SAXO5: variants seen among roughly 807,000 people sequenced by gnomAD.
SAXO5 encodes stabilizer of axonemal microtubules 5, also known as testis expressed 45.
At chr19:7,504,110 C>G in the SAXO5 span, 7 of 1,593,894 alleles carry the variant, frequency 4.4e-6, no homozygotes. Context: ...ATCCCCCTTG[C>G]CTATCCTAAG....
At chr19:7,499,734 G>A in the SAXO5 span, 4 of 152,382 alleles carry the variant, frequency 2.6e-5, no homozygotes, top group African/African-American at 9.7e-5. Flanking sequence ...CACTTTGGGA[G>A]GCTGAGGCAG....
At chr19:7,502,038 A>G in the SAXO5 span, among the ~76,000 whole-genome samples, 6 of 152,080 alleles carry the variant, frequency 3.9e-5, no homozygotes, top group African/African-American at 1.4e-4. Context: ...CCAGAATTGG[A>G]GACCAGCCTG....
chr19:7,503,400 A>C, the SAXO5 span, among the ~76,000 whole-genome samples: 1 of 152,110 alleles, frequency 6.6e-6, no homozygotes, highest in Non-Finnish European at 1.5e-5. Flanking sequence ...AGAGATACTC[A>C]GTCCTGGAAA....
the SAXO5 span, chr19:7,504,093 T>TCTCTCTCTCTCTCTCC: frequency 6.7e-7 from 1 of 1,498,658 alleles, no homozygotes. Flanking sequence ...TCTCTCTCTC[T>TCTCTCTCTCTCTCTCC]CCCCCCATCC....
chr19:7,504,354 G>GATCAACGT, the SAXO5 span: 1 of 1,614,098 alleles, frequency 6.2e-7, no homozygotes, highest in African/African-American at 1.3e-5. Flanking sequence ...ATCAGCTATG[G>GATCAACGT]ATCAACGTGT....
At chr19:7,506,335 C>G in the SAXO5 span, 1 of 686,722 alleles carries the variant, frequency 1.5e-6, no homozygotes, top group Admixed American at 2.1e-5. Flanking sequence ...TGGCCCCGCC[C>G]CTAACCAGCC....
the SAXO5 span, among the ~76,000 whole-genome samples, chr19:7,507,812 C>T: frequency 9.8e-4 from 149 of 152,160 alleles, no homozygotes; most frequent in African/African-American, 3.3e-3. Context: ...TTTTTGCCCA[C>T]CTCTCCCCAG....
chr19:7,499,809 A>G, the SAXO5 span: 1 of 147,608 alleles, frequency 6.8e-6, no homozygotes, highest in Admixed American at 6.7e-5. Flanking sequence ...CCTGTCTCTA[A>G]AAAAAAAAAT....
the SAXO5 span, chr19:7,505,373 C>G: frequency 6.2e-7 from 1 of 1,614,236 alleles, no homozygotes; most frequent in East Asian, 2.2e-5. Flanking sequence ...AAATATCCGT[C>G]CTGGTGACGG....
the SAXO5 span, among the ~76,000 whole-genome samples, chr19:7,504,865 A>G: frequency 6.6e-6 from 1 of 152,086 alleles, no homozygotes; most frequent in Non-Finnish European, 1.5e-5. Flanking sequence ...CTATTGTGCC[A>G]GATCTCTCAT....
chr19:7,507,004 G>A, the SAXO5 span: 2 of 1,477,900 alleles, frequency 1.4e-6, no homozygotes, highest in Non-Finnish European at 1.9e-6. Context: ...CACACCCTCA[G>A]CCCCGCCTCG....
chr19:7,501,220 G>A, the SAXO5 span: 17 of 1,546,934 alleles, frequency 1.1e-5, no homozygotes, highest in Non-Finnish European at 1.5e-5. Flanking sequence ...GCCGCCTACG[G>A]CTGGCCCGAG....
the SAXO5 span, chr19:7,500,860 G>A: frequency 8.4e-6 from 13 of 1,546,680 alleles, no homozygotes; most frequent in Middle Eastern, 1.7e-4. Context: ...TCGCGCCCGT[G>A]CCCGATGTCC....
At chr19:7,499,987 T>C in the SAXO5 span, 1 of 144,256 alleles carries the variant, frequency 6.9e-6, no homozygotes. Flanking sequence ...CCCACTATAT[T>C]GCCCAGGCTG....
the SAXO5 span, among the ~76,000 whole-genome samples, chr19:7,502,087 T>G: frequency 1.3e-5 from 2 of 151,716 alleles, no homozygotes; most frequent in Admixed American, 6.6e-5. Context: ...AATAAAAATT[T>G]TATTATTTTT....
chr19:7,508,335 G>A, the SAXO5 span: 648 of 1,613,794 alleles, frequency 4.0e-4, 2 homozygotes, highest in Middle Eastern at 6.6e-4. Flanking sequence ...GGAGGGCTTC[G>A]TGCCCCTGGG....
the SAXO5 span, among the ~76,000 whole-genome samples, chr19:7,498,201 C>CACACACACA: frequency 1.6e-5 from 2 of 127,486 alleles, no homozygotes; most frequent in African/African-American, 6.6e-5. Context: ...ACACACACAC[C>CACACACACA]CTTCATCCAT....
At chr19:7,506,296 C>A in the SAXO5 span, 1 of 806,870 alleles carries the variant, frequency 1.2e-6, no homozygotes. Context: ...GGAAGCCCAG[C>A]CCTGGAAGCC....
the SAXO5 span, chr19:7,501,047 G>A: frequency 5.3e-6 from 8 of 1,514,066 alleles, no homozygotes; most frequent in Non-Finnish European, 7.0e-6. Flanking sequence ...GCTGGGACCG[G>A]GAAGAGCGCG....
Sources: allele counts gnomAD v4.1 joint callset (sites outside exome capture counted in the v4.1 genomes callset), GRCh38; gene constraint gnomAD v4.1.1; transcripts MANE v1.5; gene names NCBI Gene and HGNC (gene_info 2026-07-23, HGNC 2026-07-21).